The following AMOTL1 variants were observed in gnomAD, a reference collection of about 807,000 sequenced individuals.
The protein encoded by AMOTL1 is angiomotin-like protein 1.
A neutral mutation model predicts 102.9 loss-of-function variants in AMOTL1; 45 were observed. That is an observed-to-expected ratio of 0.44 (90% confidence interval 0.34 to 0.56). The LOEUF is 0.56. Among genes scored for constraint, AMOTL1 ranks in the 20% least tolerant of loss-of-function variants. AMOTL1 has a pLI of 0.01. For missense variants in AMOTL1, 1,114 were observed against 1,225.6 expected (o/e 0.91, Z 1.36); for synonymous variants, 481 against 484.7 (o/e 0.99, Z 0.10).
At chr11:94,820,936 G>T (rs1591999708) in intron 3 of AMOTL1, among the ~76,000 whole-genome samples, 1 of 152,222 alleles carries the variant, frequency 6.6e-6, no homozygotes, top group Non-Finnish European at 1.5e-5. Flanking sequence ...AAATATAGAT[G>T]AAACTTTGCT....
intron 1 of AMOTL1, among the ~76,000 whole-genome samples, chr11:94,709,993 C>G (rs779307040): frequency 2.0e-5 from 3 of 152,198 alleles, no homozygotes; most frequent in Non-Finnish European, 4.4e-5. Flanking sequence ...GACTCATTTA[C>G]TAACTCGTTT....
intron 2 of AMOTL1, among the ~76,000 whole-genome samples, chr11:94,730,743 C>G (rs1055928484): frequency 5.3e-5 from 8 of 152,122 alleles, no homozygotes; most frequent in South Asian, 4.1e-4. Context: ...CATTGAAAAC[C>G]TTTTTTGGCT....
chr11:94,731,238 A>C (rs1169481111), intron 2 of AMOTL1, among the ~76,000 whole-genome samples: 4 of 152,228 alleles, frequency 2.6e-5, no homozygotes, highest in African/African-American at 9.6e-5. Flanking sequence ...TCCAGTTCAG[A>C]TAATCAGTCT....
At chr11:94,859,742 A>G (rs1485766897) in intron 9 of AMOTL1, 27 bp downstream of exon 9, 56 of 1,560,878 alleles carry the variant, frequency 3.6e-5, no homozygotes, top group Non-Finnish European at 4.8e-5. Flanking sequence ...TCTGGTGGTC[A>G]TAAAAGCACA....
chr11:94,779,302 A>G (rs1387920558), intron 1 of AMOTL1, among the ~76,000 whole-genome samples: 1 of 152,156 alleles, frequency 6.6e-6, no homozygotes, highest in Non-Finnish European at 1.5e-5. Context: ...TCCCCTCCCC[A>G]CTACTTTACC....
At chr11:94,752,261 C>T (rs1220230840) in intron 3 of AMOTL1, among the ~76,000 whole-genome samples, 1 of 152,124 alleles carries the variant, frequency 6.6e-6, no homozygotes, top group Non-Finnish European at 1.5e-5. Context: ...GTTGCACCCT[C>T]CTCAGCCCCC....
At chr11:94,718,189 C>T (rs1242269198) in intron 1 of AMOTL1, among the ~76,000 whole-genome samples, 1 of 151,882 alleles carries the variant, frequency 6.6e-6, no homozygotes, top group African/African-American at 2.4e-5. Flanking sequence ...AAATTGGACC[C>T]TCTTTGTAAA....
chr11:94,800,885 C>T (rs550464072), intron 3 of AMOTL1, among the ~76,000 whole-genome samples: 1 of 152,272 alleles, frequency 6.6e-6, no homozygotes, highest in South Asian at 2.1e-4. Flanking sequence ...CTCCCTTGCC[C>T]TAATTCTTCC....
chr11:94,711,687 T>C (rs1451726001), intron 1 of AMOTL1, among the ~76,000 whole-genome samples: 2 of 152,194 alleles, frequency 1.3e-5, no homozygotes, highest in Non-Finnish European at 2.9e-5. Flanking sequence ...TCATGCATTA[T>C]GTAACCTTAT....
intron 1 of AMOTL1, among the ~76,000 whole-genome samples, chr11:94,793,331 G>T (rs954027136): frequency 6.6e-6 from 1 of 152,156 alleles, no homozygotes; most frequent in Non-Finnish European, 1.5e-5. Context: ...GTGTTTTGGG[G>T]TTTAGTTTTT....
At chr11:94,816,025 A>AT (rs766015557) in intron 3 of AMOTL1, among the ~76,000 whole-genome samples, 6 of 152,160 alleles carry the variant, frequency 3.9e-5, no homozygotes, top group Non-Finnish European at 7.4e-5. Context: ...GTGTTTTGAT[A>AT]TTTTAAAAAA....
At chr11:94,867,684 T>C (rs976373523) in intron 11 of AMOTL1, among the ~76,000 whole-genome samples, 1 of 152,196 alleles carries the variant, frequency 6.6e-6, no homozygotes, top group African/African-American at 2.4e-5. Context: ...GCTTGCCTGA[T>C]AGGCTCTGGA....
In AMOTL1 at chr11:94,742,137, G is replaced by T. The variant is rs537535445; in HGVS notation, c.136+1149G>T. On this transcript the variant is annotated intron_variant, in intron 3 of 4. Coordinates refer to the AMOTL1 transcript ENST00000299004. ...TATTCAGAGGATGTGTTTCTGACAA[G>T]TTGCGAGGCAATCACATCTCTATCA... Among the ~76,000 whole-genome samples the T allele has an allele frequency of 5.9e-5, 9 of 152,342 alleles. No homozygotes were observed. In the South Asian group the frequency reaches 1.9e-3, roughly 32 times the overall value.
Position 94,715,877 on chromosome 11 carries a change from T to C in AMOTL1, c.-51+9280T>C, listed in dbSNP as rs149695068. ...ATCTTATTTAGGTTCACTTGGCTTC[T>C]TGAATCTATGTGTTTATGCATTTCA... On this transcript the variant is annotated intron_variant, in intron 1 of 4. Coordinates refer to the AMOTL1 transcript ENST00000299004. 4.2e-3 allele frequency among the ~76,000 whole-genome samples: 641 copies of C among 152,218 alleles called. 8 individuals carry two copies. The highest frequency in any genetic ancestry group is 0.015 in the African/African-American group (608 of 41,568).
chr11:94,729,003 A>G (rs1950303684), exon 2 of AMOTL1: 2 of 1,289,098 alleles, frequency 1.6e-6, no homozygotes, highest in Non-Finnish European at 2.0e-6. Flanking sequence ...CTTTGGAGGA[A>G]GGAGCCTGGT....
intron 1 of AMOTL1, among the ~76,000 whole-genome samples, chr11:94,775,385 A>G (rs1338498743): frequency 2.6e-5 from 4 of 152,180 alleles, no homozygotes; most frequent in African/African-American, 9.7e-5. Flanking sequence ...AAATAGTTGT[A>G]GTAAGGACCA....
intron 6 of AMOTL1, among the ~76,000 whole-genome samples, chr11:94,838,188 G>T (rs1199406188): frequency 1.3e-5 from 2 of 152,132 alleles, no homozygotes; most frequent in African/African-American, 4.8e-5. Flanking sequence ...CCACTAAACT[G>T]TACACACCAT....
chr11:94,724,347 G>A (rs116933859), intron 1 of AMOTL1, among the ~76,000 whole-genome samples: 1 of 152,080 alleles, frequency 6.6e-6, no homozygotes, highest in Non-Finnish European at 1.5e-5. Context: ...GAGGATTGCT[G>A]GTGAATATTA....
intron 3 of AMOTL1, among the ~76,000 whole-genome samples, chr11:94,749,182 A>G (rs1194929423): frequency 6.6e-6 from 1 of 152,236 alleles, no homozygotes; most frequent in Non-Finnish European, 1.5e-5. Context: ...ACCATGGAAC[A>G]TGATGATGTA....
Sources: allele counts gnomAD v4.1 joint callset (sites outside exome capture counted in the v4.1 genomes callset), GRCh38; gene constraint gnomAD v4.1.1; transcripts MANE v1.5; gene names NCBI Gene and HGNC (gene_info 2026-07-23, HGNC 2026-07-21).